Variants in DYNC1H1 observed in about 807,000 individuals in gnomAD.
DYNC1H1 encodes cytoplasmic dynein 1 heavy chain 1.
Under a neutral mutation model 527.1 loss-of-function variants are expected in DYNC1H1, and 51 were observed. The ratio of observed to expected loss-of-function variants is 0.10; its 90% confidence interval spans 0.08 to 0.12. The LOEUF is 0.12. DYNC1H1 is among the 10% of genes least tolerant of loss of function. DYNC1H1 has a pLI of 1.00. For missense variants in DYNC1H1, 2,771 were observed against 5,971.8 expected (o/e 0.46, Z 17.66); for synonymous variants, 2,189 against 2,278.8 (o/e 0.96, Z 1.12).
Position 101,979,552 on chromosome 14 carries a change from C to G in DYNC1H1, c.518+60C>G. The G allele has an allele frequency of 6.2e-7, 1 of 1,611,692 alleles. No homozygotes were observed. The highest frequency in any genetic ancestry group is 1.1e-5 in the South Asian group (1 of 90,642). On this transcript the variant is annotated intron_variant, in intron 3 of 77. Transcript: ENST00000360184. The surrounding 1 kb of genome is among the most constrained non-coding windows in gnomAD (Gnocchi z 4.6). ...AATGTTCACAAGATAGTATAGAACTCGGTGTAAAACTTGGGAATTGGGAGG... is the reference window on the plus strand; with the variant it reads ...AATGTTCACAAGATAGTATAGAACTGGGTGTAAAACTTGGGAATTGGGAGG...
At chr14:101,984,448 ATATTTT>A (rs2047908549) in intron 7 of DYNC1H1, among the ~76,000 whole-genome samples, 19 of 89,116 alleles carry the variant, frequency 2.1e-4, no homozygotes, top group East Asian at 1.5e-3. Context: ...TATATATATT[ATATTTT>A]TTTTTTTTTT....
At chr14:101,996,927 T>G in intron 15 of DYNC1H1, 108 bp from the exon 16 acceptor site, 1 of 1,472,404 alleles carries the variant, frequency 6.8e-7, no homozygotes, top group South Asian at 1.2e-5. Flanking sequence ...CTGGCCAGTC[T>G]TACGTGTTTT....
In DYNC1H1 at chr14:102,007,096, C is replaced by G. The variant is rs2048205130; in HGVS notation, c.5805C>G (p.Thr1935=). 6.2e-7 allele frequency: 1 copy of G among 1,614,162 alleles called. No individual in the cohort carries two copies. The highest frequency in any genetic ancestry group is 8.5e-7 in the Non-Finnish European group (1 of 1,180,022). The change falls in exon 28 of 78, where the codon ACC becomes ACG. Residue 1935 remains threonine (T), a synonymous_variant. Transcript: ENST00000360184. The stretch of plus-strand genomic sequence containing the variant: ...TTTTAGTTTTCAACTGTGATGAAAC[C>G]TTTGATTTCCAGGTGAGACACTTTA... The part of the protein sequence containing the change: ...RFVLVFNCDE[T]FDFQAMGRIF...
intron 1 of DYNC1H1, among the ~76,000 whole-genome samples, chr14:101,966,503 G>A (rs568880448): frequency 1.2e-4 from 18 of 151,738 alleles, no homozygotes; most frequent in Non-Finnish European, 7.4e-5. Context: ...AAATCACTGG[G>A]AATTGTTTGA....
chr14:101,981,081 TTTTTG>T (rs904875376), intron 5 of DYNC1H1, among the ~76,000 whole-genome samples: 11 of 152,096 alleles, frequency 7.2e-5, no homozygotes, highest in African/African-American at 2.4e-4. Flanking sequence ...GTGATGTTGT[TTTTTG>T]TTTTGTTTTG....
intron 15 of DYNC1H1, among the ~76,000 whole-genome samples, chr14:101,996,377 G>C (rs551454582): frequency 4.3e-4 from 65 of 152,090 alleles, no homozygotes; most frequent in Non-Finnish European, 7.9e-4. Flanking sequence ...TGATCTGCCC[G>C]CCTTGACCTC....
At chr14:101,990,966 A>G (rs1335720307) in intron 10 of DYNC1H1, among the ~76,000 whole-genome samples, 1 of 151,002 alleles carries the variant, frequency 6.6e-6, no homozygotes, top group Non-Finnish European at 1.5e-5. Context: ...CGGAGATGGC[A>G]TCACTGCACT....
chr14:102,021,117 T>A (rs2048378997), intron 42 of DYNC1H1, among the ~76,000 whole-genome samples: 1 of 152,132 alleles, frequency 6.6e-6, no homozygotes, highest in African/African-American at 2.4e-5. Flanking sequence ...GTGGTTCACA[T>A]CTATAATCCC....
chr14:102,024,064 C>A (rs1378398791), intron 43 of DYNC1H1, among the ~76,000 whole-genome samples: 1 of 152,170 alleles, frequency 6.6e-6, no homozygotes, highest in African/African-American at 2.4e-5. Flanking sequence ...GTTCTGACTT[C>A]TGTGTGAGGG....
At chr14:102,026,806 T>C in intron 44 of DYNC1H1, 99 bp downstream of exon 44, 1 of 1,525,732 alleles carries the variant, frequency 6.6e-7, no homozygotes, top group East Asian at 2.4e-5. Context: ...TCCTACCACC[T>C]CCACCTCAGC....
In DYNC1H1 at chr14:102,010,383, A is replaced by G; in HGVS notation, c.6329A>G (p.Lys2110Arg). The G allele has an allele frequency of 6.2e-7, 1 of 1,614,208 alleles. No individual in the cohort carries two copies. The highest frequency in any genetic ancestry group is 8.5e-7 in the Non-Finnish European group (1 of 1,180,032). Residue 2110 changes from lysine to arginine, a missense_variant, in exon 31 of 78, where the codon AAG becomes AGG. By Grantham distance (26) the Lys-to-Arg change is conservative. Transcript: ENST00000360184. The surrounding 1 kb of genome is among the most constrained non-coding windows in gnomAD (Gnocchi z 6.0). ...AGNVKRERIQKIKREKEERGE... is the reference protein window; with the variant it reads ...AGNVKRERIQRIKREKEERGE... Reference sequence around the variant, plus strand: ...AATGTGAAGAGAGAGAGAATCCAGAAGATAAAGAGGGAGAAAGAGGAACGA... The same window carrying G: ...AATGTGAAGAGAGAGAGAATCCAGAGGATAAAGAGGGAGAAAGAGGAACGA...
At chr14:102,032,170 C>T in intron 51 of DYNC1H1, 102 bp from the exon 52 acceptor site, 4 of 1,404,574 alleles carry the variant, frequency 2.8e-6, no homozygotes, top group Middle Eastern at 2.5e-4. Context: ...TGTCCTTTCT[C>T]TCATTGGAGT....
chr14:101,990,755 A>G (rs2047987804), intron 10 of DYNC1H1, among the ~76,000 whole-genome samples: 1 of 152,086 alleles, frequency 6.6e-6, no homozygotes, highest in African/African-American at 2.4e-5. Flanking sequence ...TCATGCCTGT[A>G]ATCCCAGCAC....
Position 102,012,679 on chromosome 14 carries a change from A to G in DYNC1H1, c.7014+209A>G. ...AGAAACATTTTAATAGGTTTTATTG[A>G]TGGCTTTCTATCATTTATTGAGTAA... On this transcript the variant is annotated intron_variant, in intron 34 of 77. Coordinates refer to ENST00000360184, the MANE Select transcript of DYNC1H1 (RefSeq NM_001376.5). This position sits in a 1 kb window ranked among gnomAD's most constrained non-coding sequence, Gnocchi z 4.9. The G allele has an allele frequency of 1.6e-6, 1 of 634,414 alleles. No individual in the cohort carries two copies. Among genetic ancestry groups the G allele is most frequent in the Non-Finnish European group, 2.8e-6 (1 of 363,260 alleles). The allele number at this position is 634,414 out of a possible 1,614,324, so 39.3% of individuals were successfully genotyped here. A position where few individuals can be genotyped will look rare whatever the true frequency, so the allele number is the denominator to read the frequency against.
intron 43 of DYNC1H1, among the ~76,000 whole-genome samples, chr14:102,025,905 C>G (rs1289515856): frequency 6.6e-6 from 1 of 152,108 alleles, no homozygotes; most frequent in Non-Finnish European, 1.5e-5. Flanking sequence ...ATCACAAGGT[C>G]AAGAGATCAA....
At chr14:102,030,124 AATGCTTAACCC>A in intron 50 of DYNC1H1, 27 bp from the exon 51 acceptor site, 1 of 1,613,984 alleles carries the variant, frequency 6.2e-7, no homozygotes, top group Non-Finnish European at 8.5e-7. Flanking sequence ...CAAATTAACC[AATGCTTAACCC>A]ATACCTAAGC....
rs781032145 is a variant in DYNC1H1, at chr14:101,964,820, G to C, written c.129G>C (p.Glu43Asp). The C allele has an allele frequency of 6.2e-7, 1 of 1,603,094 alleles. No homozygotes were observed. The highest frequency in any genetic ancestry group is 8.5e-7 in the Non-Finnish European group (1 of 1,175,936). ...HLRKLVPLLL[E>D]DGGEAPAALE... ...GCAAGCTGGTGCCGCTGCTGCTGGA[G>C]GACGGCGGCGAGGCGCCGGCCGCGC... Residue 43 changes from glutamate (E) to aspartate (D), a missense_variant, in exon 1 of 78, where the codon GAG becomes GAC. By Grantham distance (45) the Glu-to-Asp change is conservative. Around this residue, in one of 32 missense-constraint regions of DYNC1H1, gnomAD observed 101 missense variants for 105.3 expected, o/e 0.96. Coordinates refer to ENST00000360184, the MANE Select transcript of DYNC1H1 (RefSeq NM_001376.5). The surrounding 1 kb of genome is among the most constrained non-coding windows in gnomAD (Gnocchi z 5.5).
chr14:102,016,100 A>G lies in DYNC1H1; in HGVS notation c.7473+14A>G. 1.1e-5 allele frequency: 18 copies of G among 1,592,686 alleles called. No homozygotes were observed. The highest frequency in any genetic ancestry group is 1.7e-4 in the Middle Eastern group (1 of 6,036). On this transcript the variant is annotated intron_variant, in intron 36 of 77. Transcript: ENST00000360184. This position sits in a 1 kb window ranked among gnomAD's most constrained non-coding sequence, Gnocchi z 7.3. The stretch of plus-strand genomic sequence containing the variant: ...CGCTACATTCAGGTCAGGGGGCATC[A>G]GGGGCTTCACAGAGCTCACCACTGC...
chr14:101,979,620 T>G lies in DYNC1H1; in HGVS notation c.519-99T>G, dbSNP rs201532017. 68 of 1,607,486 alleles carry G rather than the reference T, an allele frequency of 4.2e-5. No homozygotes were observed. In the East Asian group the frequency reaches 1.4e-3, roughly 34 times the overall value. Reference sequence around the variant, plus strand: ...AGGGGATATAAACCCTGTGTATTAATAAATATGTGTGTCATTACTATTTGA... The same window carrying G: ...AGGGGATATAAACCCTGTGTATTAAGAAATATGTGTGTCATTACTATTTGA... On this transcript the variant is annotated intron_variant, in intron 3 of 77. Coordinates refer to ENST00000360184, the MANE Select transcript of DYNC1H1 (RefSeq NM_001376.5). This position sits in a 1 kb window ranked among gnomAD's most constrained non-coding sequence, Gnocchi z 4.6.
Sources: gnomAD v4.1 joint callset for allele counts (sites outside exome capture counted in the v4.1 genomes callset) on GRCh38, gnomAD v4.1.1 for gene constraint, gnomAD v4.1.1 regional missense constraint, Gnocchi (gnomAD v3.1) non-coding constraint, MANE v1.5 for transcripts, NCBI Gene and HGNC (gene_info 2026-07-23, HGNC 2026-07-21) for gene names.